Variants in PCDHGB1 observed in about 807,000 individuals in gnomAD.
PCDHGB1 encodes the protein protocadherin gamma subfamily B, 1, also known as protocadherin gamma-B1.
Under a neutral mutation model 56.6 loss-of-function variants are expected in PCDHGB1, and 34 were observed. The observed-to-expected ratio is 0.60, with a 90% CI of 0.46 to 0.80. PCDHGB1 has a LOEUF of 0.80. Among genes scored for constraint, PCDHGB1 ranks in the 30% least tolerant of loss-of-function variants. The probability of loss-of-function intolerance (pLI) is 0.00; values close to 1 mark genes in which losing one functional copy is unlikely to be tolerated. For missense variants in PCDHGB1, 1,278 were observed against 1,204.6 expected (o/e 1.06, Z -0.90); for synonymous variants, 561 against 505.9 (o/e 1.11, Z -1.46).
intron 1 of PCDHGB1, chr5:141,427,312 C>T (rs1438759401): frequency 4.4e-6 from 2 of 456,954 alleles, no homozygotes; most frequent in East Asian, 6.9e-5. Context: ...GACAATGCCC[C>T]AGACGTGGTT....
chr5:141,476,234 G>A lies in PCDHGB1; in HGVS notation c.2410-18573G>A. 6.2e-7 allele frequency: 1 copy of A among 1,614,070 alleles called. No individual in the cohort carries two copies. The highest frequency in any genetic ancestry group is 8.5e-7 in the Non-Finnish European group (1 of 1,180,014). On this transcript the variant is annotated intron_variant, in intron 1 of 3. Coordinates refer to ENST00000523390, the MANE Select transcript of PCDHGB1 (RefSeq NM_018922.3). The surrounding 1 kb of genome is among the most constrained non-coding windows in gnomAD (Gnocchi z 7.6). Reference sequence around the variant, plus strand: ...GGTCATTCACTATGAGATCCCGGAGGAAAGAGAGAAGGGTTTCGCTGTGGG... The same window carrying A: ...GGTCATTCACTATGAGATCCCGGAGAAAAGAGAGAAGGGTTTCGCTGTGGG...
chr5:141,415,081 C>A, intron 1 of PCDHGB1: 2 of 1,613,522 alleles, frequency 1.2e-6, no homozygotes, highest in Non-Finnish European at 1.7e-6. Flanking sequence ...GGCGCGAGCC[C>A]TGCTGGACAG....
intron 1 of PCDHGB1, chr5:141,361,682 C>A (rs767724401): frequency 6.2e-7 from 1 of 1,613,466 alleles, no homozygotes; most frequent in African/African-American, 1.3e-5. Flanking sequence ...GTGGTGTTCG[C>A]GCAGCGCGCC....
intron 1 of PCDHGB1, among the ~76,000 whole-genome samples, chr5:141,462,430 T>C (rs1471523013): frequency 2.0e-5 from 3 of 152,230 alleles, no homozygotes; most frequent in African/African-American, 4.8e-5. Flanking sequence ...TTGGTGAGTG[T>C]TGCTTACACA....
At chr5:141,459,938 C>T (rs373341229) in intron 1 of PCDHGB1, among the ~76,000 whole-genome samples, 4 of 152,148 alleles carry the variant, frequency 2.6e-5, no homozygotes, top group African/African-American at 4.8e-5. Context: ...TGTAGCTGGG[C>T]GTGATGGCAG....
chr5:141,432,476 A>G lies in PCDHGB1; in HGVS notation c.2410-62331A>G. 1 of 1,614,080 alleles carries G rather than the reference A, an allele frequency of 6.2e-7. No homozygotes were observed. Among genetic ancestry groups the G allele is most frequent in the East Asian group, 2.2e-5 (1 of 44,874 alleles). ...CCCCGCCCTCCCCACGGACGGTTCCACTGGCGTGGAGCTGGCTCCCCGCTC... is the reference window on the plus strand; with the variant it reads ...CCCCGCCCTCCCCACGGACGGTTCCGCTGGCGTGGAGCTGGCTCCCCGCTC... On this transcript the variant is annotated intron_variant, in intron 1 of 3. Transcript: ENST00000523390. The surrounding 1 kb of genome is among the most constrained non-coding windows in gnomAD (Gnocchi z 6.0).
At position 141,487,219 on chromosome 5, in the gene PCDHGB1, A is replaced by G. The variant is rs750819958; in HGVS notation, c.2410-7588A>G. ...CAGATCTTCGAGAATCTTCAGCTCC[A>G]AGGGAAGGAGAATCTCGTCTAACCC... On this transcript the variant is annotated intron_variant, in intron 1 of 3. Transcript: ENST00000523390. This position sits in a 1 kb window ranked among gnomAD's most constrained non-coding sequence, Gnocchi z 5.0. The G allele has an allele frequency of 1.2e-6, 2 of 1,613,952 alleles. No individual in the cohort carries two copies. The highest frequency in any genetic ancestry group is 3.3e-5 in the Admixed American group (2 of 60,020).
At chr5:141,357,235 A>C in intron 1 of PCDHGB1, 1 of 1,613,530 alleles carries the variant, frequency 6.2e-7, no homozygotes, top group Non-Finnish European at 8.5e-7. Context: ...GGGCAGCCTC[A>C]AGCCTTCAGC....
intron 1 of PCDHGB1, among the ~76,000 whole-genome samples, chr5:141,446,824 A>T (rs973108119): frequency 1.3e-5 from 2 of 152,156 alleles, no homozygotes; most frequent in African/African-American, 4.8e-5. Flanking sequence ...AGATGGGTAG[A>T]TCCTTATAAG....
At chr5:141,388,935 C>T (rs1215680251) in intron 1 of PCDHGB1, 2 of 1,613,984 alleles carry the variant, frequency 1.2e-6, no homozygotes, top group South Asian at 1.1e-5. Flanking sequence ...CCAGTCTCTA[C>T]CCAACCTAAT....
chr5:141,376,711 G>A lies in PCDHGB1; in HGVS notation c.2409+24042G>A, dbSNP rs1369731526. 2.9e-5 allele frequency: 18 copies of A among 622,360 alleles called. No homozygotes were observed. The South Asian group carries it at 3.6e-4, about 12-fold the overall frequency. 38.6% of individuals were successfully genotyped at this position (622,360 alleles called of 1,614,324 possible). On this transcript the variant is annotated intron_variant, in intron 1 of 3. Coordinates refer to ENST00000523390, the MANE Select transcript of PCDHGB1 (RefSeq NM_018922.3). ...TTTTTTTTTTTTGAGACGGAGTCTC[G>A]CTCTGTCGCCCAGGCCGGACTGCGG...
In PCDHGB1 at chr5:141,419,984, C is replaced by A. The variant is rs918632592; in HGVS notation, c.2409+67315C>A. ...TGTGCTCTTTCTCCTCGCGGTGATT[C>A]TAGCTATTGCTCTACGCCTGCGACA... On this transcript the variant is annotated intron_variant, in intron 1 of 3. Transcript: ENST00000523390. 27 of 1,613,962 alleles carry A rather than the reference C, an allele frequency of 1.7e-5. No individual in the cohort carries two copies. The highest frequency in any genetic ancestry group is 2.2e-5 in the Non-Finnish European group (26 of 1,179,912).
chr5:141,492,695 A>G (rs925499358), intron 1 of PCDHGB1, among the ~76,000 whole-genome samples: 14 of 152,214 alleles, frequency 9.2e-5, no homozygotes, highest in African/African-American at 3.1e-4. Context: ...CGACCCCTCA[A>G]CCCAGAAGCC....
At chr5:141,395,807 A>G (rs1561656089) in intron 1 of PCDHGB1, 1 of 152,004 alleles carries the variant, frequency 6.6e-6, no homozygotes, top group Non-Finnish European at 1.5e-5. Context: ...ATCCTTCAAA[A>G]CATGAACAAA....
chr5:141,413,446 G>T, intron 1 of PCDHGB1: 4 of 1,614,130 alleles, frequency 2.5e-6, no homozygotes, highest in Non-Finnish European at 3.4e-6. Context: ...CTTGATCACC[G>T]CGGGCAGGAT....
chr5:141,409,441 G>A (rs1432743588), intron 1 of PCDHGB1: 1 of 1,613,884 alleles, frequency 6.2e-7, no homozygotes, highest in Admixed American at 1.7e-5. Context: ...TGGACCGAGA[G>A]CAGACACCAG....
chr5:141,442,779 A>G (rs1453800627), intron 1 of PCDHGB1, among the ~76,000 whole-genome samples: 1 of 152,160 alleles, frequency 6.6e-6, no homozygotes, highest in Non-Finnish European at 1.5e-5. Context: ...GTTTGATTAT[A>G]TTTTATAATT....
intron 1 of PCDHGB1, chr5:141,415,029 G>C (rs777967290): frequency 6.2e-7 from 1 of 1,613,552 alleles, no homozygotes; most frequent in South Asian, 1.1e-5. Flanking sequence ...CCAGCGAGCC[G>C]GGACTCTTCG....
intron 1 of PCDHGB1, chr5:141,423,553 T>G: frequency 2.5e-6 from 4 of 1,613,548 alleles, no homozygotes; most frequent in Non-Finnish European, 3.4e-6. Flanking sequence ...CCAGCCCAAC[T>G]ATGGGGACAC....
Sources: gnomAD v4.1 joint callset for allele counts (sites outside exome capture counted in the v4.1 genomes callset) on GRCh38, gnomAD v4.1.1 for gene constraint, Gnocchi (gnomAD v3.1) non-coding constraint, MANE v1.5 for transcripts, NCBI Gene and HGNC (gene_info 2026-07-23, HGNC 2026-07-21) for gene names.